Variants in JARID2 observed in about 807,000 individuals in gnomAD.
The protein encoded by JARID2 is jumonji and AT-rich interaction domain containing 2, also known as protein Jumonji.
JARID2 carries 21 observed loss-of-function variants against 125.6 expected under a neutral mutation model. The ratio of observed to expected loss-of-function variants is 0.17; its 90% CI spans 0.12 to 0.24. The LOEUF is 0.24. Among genes scored for constraint, JARID2 ranks in the 10% least tolerant of loss-of-function variants. The pLI, the probability that JARID2 is intolerant of heterozygous loss-of-function variation, is 1.00. For missense variants in JARID2, 1,303 were observed against 1,639.6 expected, an observed-to-expected ratio of 0.79 and a Z score of 3.55; for synonymous variants, 736 against 661.6, an observed-to-expected ratio of 1.11 and a Z score of -1.73.
Position 15,487,419 on chromosome 6 carries a change from C to G in JARID2, c.783C>G (p.Arg261=). 1 of 1,614,256 alleles carries G rather than the reference C, an allele frequency of 6.2e-7. No homozygotes were observed. Among genetic ancestry groups the G allele is most frequent in the Non-Finnish European group, 8.5e-7 (1 of 1,180,046 alleles). Residue 261 remains arginine, a synonymous_variant, in exon 6 of 18, where the codon CGC becomes CGG. Coordinates refer to ENST00000341776, the MANE Select transcript of JARID2 (RefSeq NM_004973.4). The part of the protein sequence containing the change: ...EKHSDHRADS[R]REQASANHPA... ...ACAGCGATCACCGGGCTGACAGCCGCCGGGAGCAGGCTTCAGCTAACCACC... is the reference window on the plus strand; with the variant it reads ...ACAGCGATCACCGGGCTGACAGCCGGCGGGAGCAGGCTTCAGCTAACCACC...
At chr6:15,443,289 C>G (rs552030619) in intron 3 of JARID2, among the ~76,000 whole-genome samples, 15 of 152,236 alleles carry the variant, frequency 9.9e-5, no homozygotes, top group African/African-American at 3.6e-4. Flanking sequence ...GTCAGCGTTC[C>G]TAAGGGTGAC....
At chr6:15,262,570 T>C (rs1398628757) in intron 1 of JARID2, among the ~76,000 whole-genome samples, 2 of 144,814 alleles carry the variant, frequency 1.4e-5, no homozygotes, top group African/African-American at 2.5e-5. Flanking sequence ...AGTCTCACTC[T>C]AGCCCAGGCT....
At chr6:15,371,622 A>G (rs1764174658) in intron 1 of JARID2, among the ~76,000 whole-genome samples, 1 of 152,104 alleles carries the variant, frequency 6.6e-6, no homozygotes, top group South Asian at 2.1e-4. Context: ...CATGCTTTTC[A>G]TGTGTTGTGG....
chr6:15,266,987 T>G (rs1045601142), intron 1 of JARID2, among the ~76,000 whole-genome samples: 1 of 152,184 alleles, frequency 6.6e-6, no homozygotes, highest in Admixed American at 6.5e-5. Context: ...GGAGATTAGG[T>G]GCTCTAATAG....
intron 5 of JARID2, among the ~76,000 whole-genome samples, chr6:15,486,010 C>G (rs1462978985): frequency 2.0e-5 from 3 of 152,180 alleles, no homozygotes; most frequent in Non-Finnish European, 4.4e-5. Context: ...TTCTGCCAGT[C>G]CTGGTTGGGG....
intron 1 of JARID2, among the ~76,000 whole-genome samples, chr6:15,282,969 CTA>C (rs761849650): frequency 4.6e-5 from 7 of 151,344 alleles, no homozygotes; most frequent in Non-Finnish European, 1.0e-4. Context: ...ATCTATCTAT[CTA>C]TTTTTTTATT....
chr6:15,405,676 G>C (rs1211885277), intron 2 of JARID2, among the ~76,000 whole-genome samples: 1 of 152,094 alleles, frequency 6.6e-6, no homozygotes, highest in Non-Finnish European at 1.5e-5. Context: ...GTCGGGGTGG[G>C]GGAGGGGGTT....
chr6:15,461,892 T>G (rs1399193880), intron 4 of JARID2, among the ~76,000 whole-genome samples: 3 of 152,052 alleles, frequency 2.0e-5, no homozygotes, highest in African/African-American at 4.8e-5. Flanking sequence ...CTTTTTTTTT[T>G]TTTGGAAATA....
At chr6:15,288,992 G>A (rs1466901276) in intron 1 of JARID2, among the ~76,000 whole-genome samples, 1 of 152,222 alleles carries the variant, frequency 6.6e-6, no homozygotes, top group Non-Finnish European at 1.5e-5. Context: ...CTGGGGGCAA[G>A]GAGCAGGGGT....
At chr6:15,377,974 C>G (rs773020327) in intron 2 of JARID2, among the ~76,000 whole-genome samples, 7 of 151,486 alleles carry the variant, frequency 4.6e-5, no homozygotes, top group Non-Finnish European at 8.8e-5. Context: ...CAGCCTCTGC[C>G]TCCGGGTTCA....
intron 1 of JARID2, among the ~76,000 whole-genome samples, chr6:15,262,536 T>G (rs1296544945): frequency 6.7e-6 from 1 of 148,850 alleles, no homozygotes; most frequent in Non-Finnish European, 1.5e-5. Context: ...TTTGGCTATT[T>G]TTTTTTTTTT....
rs370660032 is a variant in JARID2, at chr6:15,380,849, AT to A, written c.181+6598del. ...CGTATTTGTGAATCAAAATAAAAAA[AT>A]GTCAGGTCACATGGTCTGATTTACG... On this transcript the variant is annotated intron_variant, in intron 2 of 17. Coordinates refer to ENST00000341776, the MANE Select transcript of JARID2 (RefSeq NM_004973.4). Among the ~76,000 whole-genome samples, 620 of 152,300 alleles carry A rather than the reference AT, an allele frequency of 4.1e-3. 1 individual carries two copies. Among genetic ancestry groups the A allele is most frequent in the African/African-American group, 0.014 (580 of 41,542 alleles).
In JARID2 at chr6:15,281,872, G is replaced by A. The variant is rs577706113; in HGVS notation, c.45+35288G>A. Among the ~76,000 whole-genome samples, 13 of 151,830 alleles carry A rather than the reference G, an allele frequency of 8.6e-5. No individual in the cohort carries two copies. In the South Asian group the frequency reaches 2.7e-3, roughly 32 times the overall value. ...CTGTCCATACACCTTTCAAACATATGGTAATATTAGCATATGATTGAATTG... is the reference window on the plus strand; with the variant it reads ...CTGTCCATACACCTTTCAAACATATAGTAATATTAGCATATGATTGAATTG... On this transcript the variant is annotated intron_variant, in intron 1 of 17. Coordinates refer to ENST00000341776, the MANE Select transcript of JARID2 (RefSeq NM_004973.4).
At chr6:15,502,992 T>G (rs1304581006) in intron 8 of JARID2, among the ~76,000 whole-genome samples, 1 of 152,250 alleles carries the variant, frequency 6.6e-6, no homozygotes, top group Non-Finnish European at 1.5e-5. Flanking sequence ...TGTCAACGTT[T>G]TTACTTTTTA....
At position 15,246,314 on chromosome 6, in the gene JARID2, T is replaced by G; in HGVS notation, c.-226T>G. On this transcript the variant is annotated 5_prime_UTR_variant, in exon 1 of 18. Transcript: ENST00000341776. ...TATGAGTGTTTTACTAAAGTGAATT[T>G]TTTTTTGTTTGCTTCGTTCGTCTTT... is the stretch of plus-strand genomic sequence containing the variant. 1 of 570,704 alleles carries G rather than the reference T, an allele frequency of 1.8e-6. No homozygotes were observed. Among genetic ancestry groups the G allele is most frequent in the East Asian group, 3.0e-5 (1 of 33,708 alleles). The allele number at this position is 570,704 out of a possible 1,614,324, so 35.4% of individuals were successfully genotyped here. A position where few individuals can be genotyped will look rare whatever the true frequency, so the allele number is the denominator to read the frequency against.
At chr6:15,420,280 G>C (rs1181728831) in intron 3 of JARID2, among the ~76,000 whole-genome samples, 2 of 151,972 alleles carry the variant, frequency 1.3e-5, no homozygotes, top group African/African-American at 4.8e-5. Context: ...GTGCGCATCT[G>C]TAATCCCAGC....
At chr6:15,511,067 C>T (rs750175261) in intron 12 of JARID2, among the ~76,000 whole-genome samples, 10 of 152,212 alleles carry the variant, frequency 6.6e-5, no homozygotes, top group Non-Finnish European at 1.5e-4. Flanking sequence ...CATCTCGCAA[C>T]GCGGATGCAC....
chr6:15,312,538 G>A lies in JARID2; in HGVS notation c.46-61579G>A, dbSNP rs183855602. 2.8e-4 allele frequency among the ~76,000 whole-genome samples: 42 copies of A among 152,218 alleles called. No homozygotes were observed. In the East Asian group the frequency reaches 6.2e-3, roughly 22 times the overall value. On this transcript the variant is annotated intron_variant, in intron 1 of 17. Transcript: ENST00000341776. ...TCCTGTCCTGTGCCCCCATGCCAGC[G>A]CCGACCTGCCTTCTTGCACTGTAGA...
chr6:15,519,953 G>A (rs1771753083), intron 17 of JARID2, 116 bp from the exon 18 acceptor site: 2 of 665,806 alleles, frequency 3.0e-6, no homozygotes, highest in Non-Finnish European at 2.4e-6. Context: ...CCTGTTGGTT[G>A]GTGTGGTGAA....
Sources: allele counts gnomAD v4.1 joint callset (sites outside exome capture counted in the v4.1 genomes callset), GRCh38; gene constraint gnomAD v4.1.1; transcripts MANE v1.5; gene names NCBI Gene and HGNC (gene_info 2026-07-23, HGNC 2026-07-21).